DNAH8: variants seen among roughly 807,000 people sequenced by gnomAD.
DNAH8 encodes the protein dynein axonemal heavy chain 8, also known as axonemal beta dynein heavy chain 8.
A neutral mutation model predicts 562.1 loss-of-function variants in DNAH8; 382 were observed. The observed-to-expected ratio is 0.68, with a 90% CI of 0.63 to 0.74. DNAH8 has a LOEUF of 0.74. Among genes scored for constraint, DNAH8 ranks in the 30% least tolerant of loss-of-function variants. DNAH8 has a pLI of 0.00. For synonymous variants in DNAH8, 1,881 were observed against 1,919.4 expected, an observed-to-expected ratio of 0.98 and a Z score of 0.52; for missense variants, 5,203 against 5,620.4, an observed-to-expected ratio of 0.93 and a Z score of 2.37.
chr6:39,009,563 G>T (rs1344124345), intron 89 of DNAH8, among the ~76,000 whole-genome samples: 1 of 152,206 alleles, frequency 6.6e-6, no homozygotes. Flanking sequence ...GCATGGGACA[G>T]TAGCTGTGTT....
At chr6:38,800,768 C>T (rs72849984) in intron 21 of DNAH8, among the ~76,000 whole-genome samples, 2 of 152,128 alleles carry the variant, frequency 1.3e-5, no homozygotes, top group Non-Finnish European at 2.9e-5. Context: ...CTGCCTCCCC[C>T]TCAAGTGCCT....
intron 35 of DNAH8, among the ~76,000 whole-genome samples, chr6:38,844,854 C>G (rs1775154510): frequency 2.0e-5 from 3 of 152,192 alleles, no homozygotes; most frequent in South Asian, 2.1e-4. Context: ...CGAAGCTGTT[C>G]CTCCTCAGCA....
intron 91 of DNAH8, among the ~76,000 whole-genome samples, chr6:39,015,621 C>G (rs1034158276): frequency 2.8e-4 from 42 of 152,180 alleles, no homozygotes; most frequent in Non-Finnish European, 5.4e-4. Context: ...TTGAGGCATC[C>G]CCAGCCATGC....
chr6:38,909,484 T>C, intron 64 of DNAH8, 34 bp from the exon 65 acceptor site: 1 of 1,599,454 alleles, frequency 6.3e-7, no homozygotes, highest in Non-Finnish European at 8.6e-7. Context: ...AACCCCTCTG[T>C]GTTTCTAATG....
At chr6:39,016,804 T>TA (rs1766602003) in intron 91 of DNAH8, among the ~76,000 whole-genome samples, 1 of 152,208 alleles carries the variant, frequency 6.6e-6, no homozygotes, top group Admixed American at 6.5e-5. Flanking sequence ...TCCACAGGCC[T>TA]AAGTGACTTT....
chr6:38,761,837 A>G lies in DNAH8; in HGVS notation c.1617+34A>G, dbSNP rs373172976. 1.2e-5 allele frequency: 15 copies of G among 1,289,520 alleles called. No individual in the cohort carries two copies. The African/African-American group carries it at 2.3e-4, about 20-fold the overall frequency. 79.9% of individuals were successfully genotyped at this position (1,289,520 alleles called of 1,614,324 possible). A position where few individuals can be genotyped will look rare whatever the true frequency, so the allele number is the denominator to read the frequency against. On this transcript the variant is annotated intron_variant, in intron 11 of 92. Transcript: ENST00000327475. ...AAGTACTTTTATTTTCATAAACTAA[A>G]TCTTTTCCCATCCTGCCCAATTTTA...
intron 31 of DNAH8, 82 bp downstream of exon 31, chr6:38,832,517 T>C (rs1773927800): frequency 6.0e-6 from 5 of 835,396 alleles, no homozygotes; most frequent in Non-Finnish European, 9.9e-6. Flanking sequence ...CCCTGAGGAA[T>C]AGGTACGTTG....
At chr6:38,941,731 C>T (rs1783473890) in intron 79 of DNAH8, among the ~76,000 whole-genome samples, 1 of 152,106 alleles carries the variant, frequency 6.6e-6, no homozygotes, top group African/African-American at 2.4e-5. Context: ...TGGGCTGCAG[C>T]CCTGGTATTG....
At chr6:38,971,779 T>C in intron 83 of DNAH8, 114 bp downstream of exon 83, 2 of 709,720 alleles carry the variant, frequency 2.8e-6, no homozygotes, top group Non-Finnish European at 4.3e-6. Flanking sequence ...TTTTTGTTTA[T>C]CATTACCTGT....
rs1198371120 is a variant in DNAH8, at chr6:38,899,811, A to G, written c.9099A>G (p.Ala3033=). 8.1e-6 allele frequency: 13 copies of G among 1,613,670 alleles called. 1 individual carries two copies. The highest frequency in any genetic ancestry group is 1.0e-5 in the Non-Finnish European group (12 of 1,179,818). The change falls in exon 62 of 93, where the codon GCA becomes GCG. Residue 3033 remains alanine (A), a synonymous_variant. Coordinates refer to ENST00000327475, the MANE Select transcript of DNAH8 (RefSeq NM_001206927.2). ...SRIIRTSCGN[A]LLVGVGGSGK... ...TAATTCGAACGTCGTGTGGAAATGC[A>G]TTGCTGGTGGGTGTTGGTGGTTCCG... is the stretch of plus-strand genomic sequence containing the variant.
intron 3 of DNAH8, among the ~76,000 whole-genome samples, chr6:38,727,979 C>A (rs1763362739): frequency 6.6e-6 from 1 of 151,572 alleles, no homozygotes; most frequent in Non-Finnish European, 1.5e-5. Context: ...ATTTTTTTTT[C>A]TTTTGAGACA....
At chr6:38,913,748 A>G (rs1010297069) in intron 66 of DNAH8, 101 bp from the exon 67 acceptor site, 1 of 689,952 alleles carries the variant, frequency 1.4e-6, no homozygotes, top group Non-Finnish European at 2.3e-6. Context: ...TGTTTGTTAT[A>G]TTACATGTAC....
intron 66 of DNAH8, among the ~76,000 whole-genome samples, chr6:38,912,710 T>G (rs529258843): frequency 2.0e-5 from 3 of 152,354 alleles, no homozygotes; most frequent in African/African-American, 7.2e-5. Context: ...AAACAGAACT[T>G]TTATTAAAAA....
At chr6:38,942,363 C>T (rs1447274463) in intron 79 of DNAH8, among the ~76,000 whole-genome samples, 3 of 152,110 alleles carry the variant, frequency 2.0e-5, no homozygotes, top group Admixed American at 1.3e-4. Context: ...AACCTGGTGC[C>T]TGGGTCCACA....
chr6:38,984,447 C>T (rs1048277327), intron 87 of DNAH8, 140 bp downstream of exon 87: 14 of 634,588 alleles, frequency 2.2e-5, no homozygotes, highest in East Asian at 5.6e-5. Context: ...TGCATGTGTG[C>T]GCTTACACAC....
At chr6:38,775,005 G>A (rs1294318735) in intron 12 of DNAH8, among the ~76,000 whole-genome samples, 3 of 152,204 alleles carry the variant, frequency 2.0e-5, no homozygotes, top group African/African-American at 7.2e-5. Context: ...CTATGTAGGA[G>A]GATCAGTGGT....
At chr6:38,878,854 T>G (rs763873619) in intron 53 of DNAH8, among the ~76,000 whole-genome samples, 3 of 152,186 alleles carry the variant, frequency 2.0e-5, no homozygotes, top group Admixed American at 6.5e-5. Context: ...ATTTCAAATA[T>G]TTTCAACACA....
chr6:39,021,839 G>A lies in DNAH8; in HGVS notation c.13715-4707G>A, dbSNP rs564711018. On this transcript the variant is annotated intron_variant, in intron 91 of 92. Transcript: ENST00000327475. ...TTTTTAGTGTAAATCATTACAAAAT[G>A]CCAACCAACTCCTTATAAATTTGAG... 2.6e-5 allele frequency among the ~76,000 whole-genome samples: 4 copies of A among 152,312 alleles called. No homozygotes were observed. In the East Asian group the frequency reaches 7.7e-4, roughly 29 times the overall value.
At chr6:38,738,075 C>A in intron 7 of DNAH8, 103 bp downstream of exon 7, 1 of 1,225,632 alleles carries the variant, frequency 8.2e-7, no homozygotes, top group Non-Finnish European at 1.2e-6. Flanking sequence ...TCTCCTTTGA[C>A]TTTCTTCCAG....
Sources: gnomAD v4.1 joint callset for allele counts (sites outside exome capture counted in the v4.1 genomes callset) on GRCh38, gnomAD v4.1.1 for gene constraint, MANE v1.5 for transcripts, NCBI Gene and HGNC (gene_info 2026-07-23, HGNC 2026-07-21) for gene names.